Variants in KHDRBS2 observed in about 807,000 individuals in gnomAD.
The protein encoded by KHDRBS2 is KH domain-containing, RNA-binding, signal transduction-associated protein 2.
A neutral mutation model predicts 44.3 loss-of-function variants in KHDRBS2; 26 were observed. The observed-to-expected ratio is 0.59, with a 90% CI of 0.43 to 0.81. The LOEUF (loss-of-function observed/expected upper bound fraction) is 0.81. KHDRBS2 is among the 40% of genes least tolerant of loss of function. The probability of loss-of-function intolerance (pLI) is 0.00; values close to 1 mark genes in which losing one functional copy is unlikely to be tolerated. For missense variants in KHDRBS2, 476 were observed against 433.1 expected (o/e 1.10, Z -0.88); for synonymous variants, 194 against 151.1 (o/e 1.28, Z -2.08).
intron 1 of KHDRBS2, among the ~76,000 whole-genome samples, chr6:62,236,099 T>C (rs996053188): frequency 2.5e-4 from 38 of 152,238 alleles, no homozygotes; most frequent in African/African-American, 9.1e-4. Context: ...ATTTTCTTGA[T>C]TGCTAATTAT....
chr6:61,584,057 A>G, the KHDRBS2 span, among the ~76,000 whole-genome samples: 1 of 151,626 alleles, frequency 6.6e-6, no homozygotes, highest in South Asian at 2.1e-4. Context: ...TATTCTTTGT[A>G]TCCTGTGTCA....
chr6:62,155,450 A>C lies in KHDRBS2; in HGVS notation c.219+21735T>G, dbSNP rs775300339. ...TTTTGGGAAAAGATACAAGTTTAGG[A>C]GTCATTAGCAAATACATGGATCGGA... On this transcript the variant is annotated intron_variant, in intron 2 of 8. Transcript: ENST00000281156. Among the ~76,000 whole-genome samples, 24 of 152,168 alleles carry C rather than the reference A, an allele frequency of 1.6e-4. 1 individual carries two copies. Among genetic ancestry groups the C allele is most frequent in the Non-Finnish European group, 3.2e-4 (22 of 68,022 alleles).
intron 6 of KHDRBS2, chr6:61,816,476 G>T (rs1381706769): frequency 1.1e-5 from 3 of 267,684 alleles, no homozygotes; most frequent in Admixed American, 9.5e-5. Flanking sequence ...AAAAACTGAT[G>T]GCCAACAGTA....
chr6:61,858,422 GT>G (rs1176432958), intron 6 of KHDRBS2, among the ~76,000 whole-genome samples: 2 of 151,322 alleles, frequency 1.3e-5, no homozygotes, highest in African/African-American at 4.9e-5. Context: ...CTCAATATTA[GT>G]TTTTTTCTGT....
chr6:61,961,670 G>A (rs1314931636), intron 4 of KHDRBS2, among the ~76,000 whole-genome samples: 1 of 152,132 alleles, frequency 6.6e-6, no homozygotes, highest in South Asian at 2.1e-4. Flanking sequence ...AGACCCTAAG[G>A]AGAGAGCAAG....
chr6:62,242,883 A>T (rs544120426), intron 1 of KHDRBS2, among the ~76,000 whole-genome samples: 2 of 152,268 alleles, frequency 1.3e-5, no homozygotes, highest in South Asian at 4.1e-4. Context: ...CCTGCAGGAC[A>T]TGCTTTTTTG....
intron 1 of KHDRBS2, among the ~76,000 whole-genome samples, chr6:62,266,996 T>C (rs1302250911): frequency 2.0e-5 from 3 of 152,028 alleles, no homozygotes; most frequent in Non-Finnish European, 2.9e-5. Flanking sequence ...TTAGTAGTAG[T>C]ACAAGTAAGT....
intron 4 of KHDRBS2, among the ~76,000 whole-genome samples, chr6:61,948,042 A>C (rs1461580619): frequency 6.6e-6 from 1 of 151,870 alleles, no homozygotes; most frequent in Non-Finnish European, 1.5e-5. Flanking sequence ...AGGGAAGGCA[A>C]TTTGCTAATA....
intron 6 of KHDRBS2, among the ~76,000 whole-genome samples, chr6:61,738,313 C>T (rs545026208): frequency 2.6e-5 from 4 of 151,904 alleles, no homozygotes; most frequent in Non-Finnish European, 5.9e-5. Context: ...ATATCTCCCA[C>T]AAAAAAGAAA....
At chr6:61,581,595 CAATATACAATAT>C in the KHDRBS2 span, among the ~76,000 whole-genome samples, 1 of 145,236 alleles carries the variant, frequency 6.9e-6, no homozygotes. Context: ...ATACAATATA[CAATATACAATAT>C]AATATATAAT....
chr6:61,923,677 C>G (rs765655117), intron 4 of KHDRBS2, among the ~76,000 whole-genome samples: 1 of 152,090 alleles, frequency 6.6e-6, no homozygotes, highest in Admixed American at 6.6e-5. Flanking sequence ...AGATCTTGCT[C>G]AATTCAATAA....
At position 62,192,758 on chromosome 6, in the gene KHDRBS2, A is replaced by G. The variant is rs9360358; in HGVS notation, c.92-15446T>C. Reference sequence around the variant, plus strand: ...CACAGTTTCTTCATCAAATAATTTCATTCACTCAGCACATGTTATAGAGAG... The same window carrying G: ...CACAGTTTCTTCATCAAATAATTTCGTTCACTCAGCACATGTTATAGAGAG... On this transcript the variant is annotated intron_variant, in intron 1 of 8. Coordinates refer to ENST00000281156, the MANE Select transcript of KHDRBS2 (RefSeq NM_152688.4). 4.6e-5 allele frequency among the ~76,000 whole-genome samples: 7 copies of G among 152,248 alleles called. No homozygotes were observed. The East Asian group carries it at 1.4e-3, about 29-fold the overall frequency.
At chr6:62,108,913 A>C (rs1333036850) in intron 2 of KHDRBS2, among the ~76,000 whole-genome samples, 1 of 152,116 alleles carries the variant, frequency 6.6e-6, no homozygotes, top group Non-Finnish European at 1.5e-5. Context: ...ACATGGACAC[A>C]GGAAGGGGTA....
At chr6:62,103,305 A>G (rs1802327551) in intron 2 of KHDRBS2, among the ~76,000 whole-genome samples, 1 of 152,062 alleles carries the variant, frequency 6.6e-6, no homozygotes, top group South Asian at 2.1e-4. Context: ...CCGGTTGTCC[A>G]CGTGAAGGGG....
intron 2 of KHDRBS2, among the ~76,000 whole-genome samples, chr6:62,088,185 T>C (rs1029290561): frequency 2.0e-5 from 3 of 152,186 alleles, no homozygotes; most frequent in African/African-American, 7.2e-5. Flanking sequence ...CCTTCTGAAG[T>C]CTACTACTGT....
intron 1 of KHDRBS2, among the ~76,000 whole-genome samples, chr6:62,240,610 C>A (rs1210776005): frequency 3.2e-5 from 4 of 125,802 alleles, no homozygotes; most frequent in Admixed American, 2.5e-4. Context: ...ATACATATAT[C>A]TACATATACA....
At chr6:62,060,743 G>T (rs185764281) in intron 2 of KHDRBS2, among the ~76,000 whole-genome samples, 137 of 151,596 alleles carry the variant, frequency 9.0e-4, no homozygotes, top group African/African-American at 3.2e-3. Flanking sequence ...ACTTGGCATT[G>T]CTCTATTGAA....
At chr6:61,992,935 C>T (rs573938315) in intron 3 of KHDRBS2, among the ~76,000 whole-genome samples, 12 of 152,198 alleles carry the variant, frequency 7.9e-5, no homozygotes, top group East Asian at 3.9e-4. Flanking sequence ...GAGATGCCTG[C>T]GAACCTGTAA....
At chr6:62,194,797 G>C (rs1290626431) in intron 1 of KHDRBS2, among the ~76,000 whole-genome samples, 1 of 151,786 alleles carries the variant, frequency 6.6e-6, no homozygotes, top group Non-Finnish European at 1.5e-5. Flanking sequence ...GTGAGTCACT[G>C]CACCCGGCCT....
Sources: gnomAD v4.1 joint callset for allele counts (sites outside exome capture counted in the v4.1 genomes callset) on GRCh38, gnomAD v4.1.1 for gene constraint, MANE v1.5 for transcripts, NCBI Gene and HGNC (gene_info 2026-07-23, HGNC 2026-07-21) for gene names.